XRN1: variants seen among roughly 807,000 people sequenced by gnomAD.
XRN1 encodes 5'-3' exoribonuclease 1.
In XRN1, 67 loss-of-function variants were observed where a neutral mutation model predicts 222.3. The observed-to-expected ratio is 0.30, with a 90% CI of 0.25 to 0.37. The LOEUF is 0.37. Among genes scored for constraint, XRN1 ranks in the 10% least tolerant of loss-of-function variants. The probability of loss-of-function intolerance (pLI) is 1.00; values close to 1 mark genes in which losing one functional copy is unlikely to be tolerated. For synonymous variants in XRN1, 643 were observed against 652.4 expected, an observed-to-expected ratio of 0.99 and a Z score of 0.22; for missense variants, 1,707 against 2,000.2, an observed-to-expected ratio of 0.85 and a Z score of 2.80.
At chr3:142,405,133 A>G in intron 15 of XRN1, 57 bp from the exon 16 acceptor site, 2 of 1,540,392 alleles carry the variant, frequency 1.3e-6, no homozygotes, top group Non-Finnish European at 1.8e-6. Context: ...TAATCTCAAC[A>G]AACAGAATAA....
intron 37 of XRN1, among the ~76,000 whole-genome samples, chr3:142,328,630 T>C (rs1374131308): frequency 6.8e-6 from 1 of 147,216 alleles, no homozygotes; most frequent in Non-Finnish European, 1.5e-5. Context: ...TGAAATGTTC[T>C]ACAGATGTCT....
chr3:142,347,362 T>G lies in XRN1; in HGVS notation c.3769-20A>C, dbSNP rs2066174593. On this transcript the variant is annotated intron_variant, in intron 32 of 40. Transcript: ENST00000392981. ...TGCACCCTGAAAATTAAAATTCTTA[T>G]AAATTAAACAAAATCTTAATATTAT... 1 of 1,452,616 alleles carries G rather than the reference T, an allele frequency of 6.9e-7. No homozygotes were observed. 90.0% of individuals were successfully genotyped at this position (1,452,616 alleles called of 1,614,324 possible).
intron 32 of XRN1, among the ~76,000 whole-genome samples, chr3:142,349,769 G>A (rs966749652): frequency 5.9e-5 from 9 of 152,056 alleles, no homozygotes; most frequent in African/African-American, 9.7e-5. Context: ...ATGCATATGC[G>A]TTATACTTGG....
intron 37 of XRN1, among the ~76,000 whole-genome samples, chr3:142,327,933 T>G (rs1000502598): frequency 2.6e-5 from 4 of 152,208 alleles, no homozygotes; most frequent in South Asian, 4.1e-4. Flanking sequence ...GTGGTATCTG[T>G]TCTGAGTTGT....
intron 1 of XRN1, among the ~76,000 whole-genome samples, chr3:142,441,805 T>C (rs980874825): frequency 3.3e-5 from 5 of 152,336 alleles, no homozygotes; most frequent in East Asian, 3.9e-4. Flanking sequence ...AGATAGAACA[T>C]AACTGTCAAC....
intron 11 of XRN1, 38 bp downstream of exon 11, chr3:142,418,777 A>G (rs1288104262): frequency 1.3e-6 from 2 of 1,599,282 alleles, no homozygotes. Flanking sequence ...TTATCCTGTC[A>G]AAGTAGTAAC....
At chr3:142,375,998 ACAC>A in intron 24 of XRN1, 54 bp from the exon 25 acceptor site, 1 of 1,508,740 alleles carries the variant, frequency 6.6e-7, no homozygotes, top group Non-Finnish European at 8.8e-7. Context: ...ACACACACAC[ACAC>A]GAGTTTTAAA....
At chr3:142,369,670 A>AAC (rs1318351348) in intron 27 of XRN1, among the ~76,000 whole-genome samples, 29 of 151,526 alleles carry the variant, frequency 1.9e-4, no homozygotes, top group African/African-American at 6.5e-4. Flanking sequence ...AAAAAAAAAA[A>AAC]ACAAGAGTAT....
At chr3:142,332,674 GA>G (rs368630678) in intron 35 of XRN1, 140 bp from the exon 36 acceptor site, 5,298 of 649,770 alleles carry the variant, frequency 8.2e-3, no homozygotes, top group South Asian at 0.016. Context: ...GATAGAAACT[GA>G]AAAAAAAAAA....
chr3:142,434,178 G>A (rs1438403115), intron 1 of XRN1, among the ~76,000 whole-genome samples: 2 of 151,900 alleles, frequency 1.3e-5, no homozygotes, highest in Admixed American at 6.6e-5. Context: ...ACAGGGTCTC[G>A]ATCTGTCACC....
At chr3:142,405,190 C>A in intron 15 of XRN1, 114 bp from the exon 16 acceptor site, 1 of 963,670 alleles carries the variant, frequency 1.0e-6, no homozygotes, top group Non-Finnish European at 1.5e-6. Context: ...TCTTGAAAAA[C>A]AAAAAACCAA....
rs1367281217 is a variant in XRN1 at position 142,431,894 on chromosome 3, TA to T, written c.308+766del. ...ATTATATTATATATATTATATATAA[TA>T]TATATATTATATATATAAATATATA... On this transcript the variant is annotated intron_variant, in intron 2 of 40. Coordinates refer to ENST00000392981, the MANE Select transcript of XRN1 (RefSeq NM_001282857.2). Among the ~76,000 whole-genome samples, 127 of 32,620 alleles carry T rather than the reference TA, an allele frequency of 3.9e-3. 2 individuals are homozygous for T. Among genetic ancestry groups the T allele is most frequent in the African/African-American group, 0.017 (108 of 6,396 alleles). 21.4% of individuals were successfully genotyped at this position (32,620 alleles called of 152,430 possible).
chr3:142,429,447 C>A (rs1006156767), intron 2 of XRN1, among the ~76,000 whole-genome samples: 2 of 152,082 alleles, frequency 1.3e-5, no homozygotes, highest in South Asian at 4.1e-4. Context: ...CACGCCCGGC[C>A]TGGATTTAGC....
intron 29 of XRN1, 75 bp downstream of exon 29, chr3:142,364,972 T>A (rs904038238): frequency 6.8e-7 from 1 of 1,463,564 alleles, no homozygotes; most frequent in Non-Finnish European, 9.2e-7. Flanking sequence ...TGGTTAGATA[T>A]AAAAAACAGA....
chr3:142,312,631 T>C lies in XRN1; in HGVS notation c.4749A>G (p.Pro1583=). Residue 1583 remains proline (P), a synonymous_variant, in exon 40 of 41, where the codon CCA becomes CCG. Transcript: ENST00000392981. ...GTATAAACTGATTGTGCACACCCCC[T>C]GGTATTCCCCCAGCCATGGGCATGG... The part of the protein sequence containing the change: ...SGTMPMAGGI[P]GGVHNQFIPL... 6.2e-7 allele frequency: 1 copy of C among 1,613,234 alleles called. No individual in the cohort carries two copies. Among genetic ancestry groups the C allele is most frequent in the Non-Finnish European group, 8.5e-7 (1 of 1,179,394 alleles).
intron 37 of XRN1, among the ~76,000 whole-genome samples, chr3:142,326,715 A>C (rs2065526663): frequency 6.6e-6 from 1 of 152,130 alleles, no homozygotes; most frequent in African/African-American, 2.4e-5. Flanking sequence ...CAGAATTTAA[A>C]GGAAAGTATT....
chr3:142,438,421 A>C (rs1337562802), intron 1 of XRN1, among the ~76,000 whole-genome samples: 1 of 150,948 alleles, frequency 6.6e-6, no homozygotes, highest in East Asian at 1.9e-4. Flanking sequence ...CTACATCGGT[A>C]AGCGTAACTA....
At chr3:142,334,691 C>A (rs2065798779) in intron 34 of XRN1, among the ~76,000 whole-genome samples, 1 of 144,510 alleles carries the variant, frequency 6.9e-6, no homozygotes, top group Non-Finnish European at 1.5e-5. Context: ...ATATATAAGA[C>A]CATATATATA....
At chr3:142,311,884 A>T in intron 40 of XRN1, 71 bp from the exon 41 acceptor site, 1 of 1,423,240 alleles carries the variant, frequency 7.0e-7, no homozygotes, top group Admixed American at 2.3e-5. Context: ...AATTACCATA[A>T]ACCATGCATG....
Sources: gnomAD v4.1 joint callset for allele counts (sites outside exome capture counted in the v4.1 genomes callset) on GRCh38, gnomAD v4.1.1 for gene constraint, MANE v1.5 for transcripts, NCBI Gene and HGNC (gene_info 2026-07-23, HGNC 2026-07-21) for gene names.